Variants in PLA2G4B observed in about 807,000 individuals in gnomAD.
The protein encoded by PLA2G4B is phospholipase A2 group IVB, also known as cytosolic phospholipase A2 beta.
PLA2G4B carries 122 observed loss-of-function variants against 95.8 expected under a neutral mutation model. That is an observed-to-expected ratio of 1.27 (90% CI 1.10 to 1.48). The LOEUF is 1.48. Among genes scored for constraint, PLA2G4B ranks in the 40% most tolerant of loss-of-function variants. PLA2G4B has a pLI of 0.00. For synonymous variants in PLA2G4B, 518 were observed against 421.5 expected, an observed-to-expected ratio of 1.23 and a Z score of -2.80; for missense variants, 1,158 against 996.2, an observed-to-expected ratio of 1.16 and a Z score of -2.19.
In PLA2G4B at chr15:41,847,303, T is replaced by TGTCCCTCTGAAGCCCC. The variant is rs775823604; in HGVS notation, c.1948-33_1948-18dup. 3 of 1,565,640 alleles carry TGTCCCTCTGAAGCCCC rather than the reference T, an allele frequency of 1.9e-6. No homozygotes were observed. In the East Asian group the frequency reaches 6.8e-5, roughly 35 times the overall value. On this transcript the variant is annotated intron_variant, in intron 18 of 19. Transcript: ENST00000458483. ...CCAGTGTTGAGGATGCCAGGGGCCC[T>TGTCCCTCTGAAGCCCC]GTCCCTCTGAAGCCCCTTCTGCCTG...
At chr15:41,842,524 T>G in intron 9 of PLA2G4B, 30 bp from the exon 10 acceptor site, 1 of 1,611,448 alleles carries the variant, frequency 6.2e-7, no homozygotes, top group Non-Finnish European at 8.5e-7. Flanking sequence ...GTGGCCGACC[T>G]TTTGTGACTG....
Position 41,847,866 on chromosome 15 carries a change from G to A in PLA2G4B, c.*6G>A, listed in dbSNP as rs368003885. 9.9e-6 allele frequency: 16 copies of A among 1,610,382 alleles called. No homozygotes were observed. The highest frequency in any genetic ancestry group is 1.7e-5 in the Admixed American group (1 of 59,730). Reference sequence around the variant, plus strand: ...GGCAGCGCAGGCCCCACTGATGGCCGGGGCCCCTGCCACCCCTAACTCTCA... The same window carrying A: ...GGCAGCGCAGGCCCCACTGATGGCCAGGGCCCCTGCCACCCCTAACTCTCA... On this transcript the variant is annotated 3_prime_UTR_variant, in exon 20 of 20. Transcript: ENST00000458483.
In PLA2G4B at chr15:41,841,827, C is replaced by T. The variant is rs1370626844; in HGVS notation, c.499C>T (p.His167Tyr). 1 of 1,613,488 alleles carries T rather than the reference C, an allele frequency of 6.2e-7. No individual in the cohort carries two copies. Among genetic ancestry groups the T allele is most frequent in the South Asian group, 1.1e-5 (1 of 90,908 alleles). Residue 167 changes from histidine to tyrosine, a missense_variant, in exon 8 of 20, where the codon CAC becomes TAC. Transcript: ENST00000458483. Reference protein sequence around the residue: ...EETGDQKSSEHRVQLVVPGSC... With the variant: ...EETGDQKSSEYRVQLVVPGSC... ...CTGGTTCCTGTTTCCAGCCTCAGAG[C>T]ACAGAGTTCAGCTTGTGGTTCCTGG... is the stretch of plus-strand genomic sequence containing the variant.
chr15:41,846,496 A>C, intron 17 of PLA2G4B, 114 bp downstream of exon 17: 15 of 1,514,802 alleles, frequency 9.9e-6, no homozygotes, highest in Non-Finnish European at 1.3e-5. Context: ...TCCCTGGACT[A>C]CTTGGAACAG....
At position 41,844,535 on chromosome 15, in the gene PLA2G4B, A is replaced by T; in HGVS notation, c.944A>T (p.Gln315Leu). The change falls in exon 12 of 20, where the codon CAG becomes CTG. Residue 315 changes from glutamine (Q) to leucine (L), a missense_variant. Transcript: ENST00000458483. ...GIRAMTSLYG[Q>L]LAGLKELGLL... ...CGGGCAATGACTTCCCTGTATGGGCAGCTGGCTGGCCTGAAGGAGCTGGGC... is the reference window on the plus strand; with the variant it reads ...CGGGCAATGACTTCCCTGTATGGGCTGCTGGCTGGCCTGAAGGAGCTGGGC... The T allele has an allele frequency of 2.5e-6, 4 of 1,614,184 alleles. No homozygotes were observed. The highest frequency in any genetic ancestry group is 3.4e-6 in the Non-Finnish European group (4 of 1,180,028).
Position 41,840,643 on chromosome 15 carries a change from A to T in PLA2G4B, c.202A>T (p.Ile68Phe), listed in dbSNP as rs774253378. The T allele has an allele frequency of 3.1e-6, 5 of 1,613,662 alleles. No homozygotes were observed. The Middle Eastern group carries it at 6.6e-4, about 213-fold the overall frequency. The change falls in exon 3 of 20, where the codon ATC (isoleucine) becomes TTC (phenylalanine). Residue 68 changes from isoleucine (I) to phenylalanine (F), a missense_variant. Ile to Phe is a conservative substitution (Grantham distance 21). Transcript: ENST00000458483. ...PVWNQSFHFR[I>F]HRQLKNVMEL... ...CTGGAACCAGAGCTTTCACTTCAGG[A>T]TCCACAGGCAGCTCAAGGTGGGCCA... is the stretch of plus-strand genomic sequence containing the variant.
chr15:41,842,534 G>C lies in PLA2G4B; in HGVS notation c.706-20G>C, dbSNP rs749014255. 5.6e-6 allele frequency: 9 copies of C among 1,611,390 alleles called. No homozygotes were observed. Among genetic ancestry groups the C allele is most frequent in the Non-Finnish European group, 7.6e-6 (9 of 1,179,316 alleles). On this transcript the variant is annotated intron_variant, in intron 9 of 19. Transcript: ENST00000458483. The stretch of plus-strand genomic sequence containing the variant: ...TGGAGGTGGCCGACCTTTTGTGACT[G>C]GGGCCTTCACGGTTTTCAGGAGCCC...
intron 8 of PLA2G4B, 53 bp downstream of exon 8, chr15:41,842,002 C>A: frequency 6.3e-7 from 1 of 1,583,464 alleles, no homozygotes; most frequent in Non-Finnish European, 8.6e-7. Flanking sequence ...CTCCCTCCCT[C>A]TGCACCTCCT....
intron 7 of PLA2G4B, 98 bp downstream of exon 7, chr15:41,841,669 T>G: frequency 6.3e-7 from 1 of 1,583,658 alleles, no homozygotes; most frequent in Non-Finnish European, 8.6e-7. Flanking sequence ...GCTTTCCCCT[T>G]AGGCCTTCTC....
At position 41,842,452 on chromosome 15, in the gene PLA2G4B, A is replaced by G. The variant is rs184966949; in HGVS notation, c.706-102A>G. The G allele has an allele frequency of 3.3e-4, 507 of 1,547,872 alleles. 1 individual carries two copies. In the African/African-American group the frequency reaches 6.1e-3, roughly 19 times the overall value. On this transcript the variant is annotated intron_variant, in intron 9 of 19. Coordinates refer to ENST00000458483, the MANE Select transcript of PLA2G4B (RefSeq NM_001114633.2). ...TGCTTCAGGCCTGGCGCCTGTGGAGACGGTGGCGGGGCGGGGGTGGTGCGC... is the reference window on the plus strand; with the variant it reads ...TGCTTCAGGCCTGGCGCCTGTGGAGGCGGTGGCGGGGCGGGGGTGGTGCGC...
intron 10 of PLA2G4B, chr15:41,843,182 G>T (rs2065467794): frequency 6.6e-6 from 1 of 152,530 alleles, no homozygotes; most frequent in South Asian, 2.1e-4. Flanking sequence ...TGGGGTTCAA[G>T]CGATTCTCCT....
chr15:41,848,064 A>C lies in PLA2G4B; in HGVS notation c.*204A>C, dbSNP rs1438193784. 9.0e-6 allele frequency: 6 copies of C among 667,780 alleles called. No individual in the cohort carries two copies. The highest frequency in any genetic ancestry group is 1.8e-5 in the African/African-American group (1 of 54,904). The allele number at this position is 667,780 out of a possible 1,614,324, so 41.4% of individuals were successfully genotyped here. On this transcript the variant is annotated 3_prime_UTR_variant, in exon 20 of 20. Transcript: ENST00000458483. ...AAGCCCATTTGTGTAATCACCCAAA[A>C]CCCCCCGGCCTGTGCCTGTTTTCCC... is the stretch of plus-strand genomic sequence containing the variant.
chr15:41,839,118 C>G (rs2065378350), intron 1 of PLA2G4B, 196 bp downstream of exon 1: 2 of 468,222 alleles, frequency 4.3e-6, no homozygotes, highest in Non-Finnish European at 7.7e-6. Context: ...TGAGTGTTTT[C>G]TGTCCTGGGA....
rs769206349 is a variant in PLA2G4B at position 41,847,834 on chromosome 15, C to T, written c.2320C>T (p.Arg774Trp). 4.9e-5 allele frequency: 79 copies of T among 1,612,860 alleles called. 1 individual carries two copies. The East Asian group carries it at 1.2e-3, about 25-fold the overall frequency. ...GGAGGCTCTGCGCCAGGCAGTGCAG[C>T]GGAGGCGGCAGCGCAGGCCCCACTG... is the stretch of plus-strand genomic sequence containing the variant. Reference protein sequence around the residue: ...LLEALRQAVQRRRQRRPH With the variant: ...LLEALRQAVQWRRQRRPH The change falls in exon 20 of 20, where the codon CGG (arginine) becomes TGG (tryptophan). Residue 774 changes from arginine (R) to tryptophan (W), a missense_variant. Transcript: ENST00000458483.
intron 14 of PLA2G4B, 65 bp downstream of exon 14, chr15:41,845,385 T>C (rs1792826249): frequency 1.9e-6 from 3 of 1,560,642 alleles, no homozygotes; most frequent in Non-Finnish European, 1.8e-6. Context: ...GAACGAGGAC[T>C]GTGTGCAGAT....
chr15:41,842,600 C>G lies in PLA2G4B; in HGVS notation c.743+9C>G. 6.2e-7 allele frequency: 1 copy of G among 1,608,966 alleles called. No homozygotes were observed. Among genetic ancestry groups the G allele is most frequent in the Non-Finnish European group, 8.5e-7 (1 of 1,178,738 alleles). On this transcript the variant is annotated intron_variant, in intron 10 of 19. Coordinates refer to ENST00000458483, the MANE Select transcript of PLA2G4B (RefSeq NM_001114633.2). ...CTGAAAAAAGAAGCAGGGTGAGAGG[C>G]CTGGCTGGGGACTGGGCAAGGCCCT...
Position 41,842,277 on chromosome 15 carries a change from G to C in PLA2G4B, c.705+1G>C, listed in dbSNP as rs768020056. 1.9e-6 allele frequency: 3 copies of C among 1,613,786 alleles called. No homozygotes were observed. Among genetic ancestry groups the C allele is most frequent in the Non-Finnish European group, 2.5e-6 (3 of 1,179,990 alleles). On this transcript the variant is annotated splice_donor_variant, in intron 9 of 19. Coordinates refer to ENST00000458483, the MANE Select transcript of PLA2G4B (RefSeq NM_001114633.2). LOFTEE classifies it high-confidence loss of function. Reference sequence around the variant, plus strand: ...GAGGCTTGTCTTCCCCACGTCCCAGGTACTGGCCTCCCAGGGAAGGAAGCA... The same window carrying C: ...GAGGCTTGTCTTCCCCACGTCCCAGCTACTGGCCTCCCAGGGAAGGAAGCA...
rs1230649063 is a variant in PLA2G4B, at chr15:41,848,101, C to T, written c.*241C>T. The T allele has an allele frequency of 1.2e-5, 7 of 597,264 alleles. No individual in the cohort carries two copies. In the East Asian group the frequency reaches 1.7e-4, roughly 14 times the overall value. The allele number at this position is 597,264 out of a possible 1,614,324, so 37.0% of individuals were successfully genotyped here. A position where few individuals can be genotyped will look rare whatever the true frequency, so the allele number is the denominator to read the frequency against. ...GTGCCTGTTTTCCCTTCTGCGCTACCTTGAGTAGTTGGAGCACTTGATACA... is the reference window on the plus strand; with the variant it reads ...GTGCCTGTTTTCCCTTCTGCGCTACTTTGAGTAGTTGGAGCACTTGATACA... On this transcript the variant is annotated 3_prime_UTR_variant, in exon 20 of 20. Coordinates refer to ENST00000458483, the MANE Select transcript of PLA2G4B (RefSeq NM_001114633.2).
intron 10 of PLA2G4B, 108 bp downstream of exon 10, chr15:41,842,699 A>G (rs532595218): frequency 9.9e-6 from 15 of 1,514,074 alleles, no homozygotes; most frequent in South Asian, 2.5e-5. Flanking sequence ...CCTCATCCTC[A>G]TGCTCTCTGA....
Sources: gnomAD v4.1 joint callset for allele counts on GRCh38, gnomAD v4.1.1 for gene constraint, MANE v1.5 for transcripts, NCBI Gene and HGNC (gene_info 2026-07-23, HGNC 2026-07-21) for gene names.